Variants in RICTOR observed in about 807,000 individuals in gnomAD.
RICTOR encodes the protein rapamycin-insensitive companion of mTOR.
In RICTOR, 49 loss-of-function variants were observed where a neutral mutation model predicts 214.9. The observed-to-expected ratio is 0.23, with a 90% CI of 0.18 to 0.29. The LOEUF (loss-of-function observed/expected upper bound fraction) is 0.29, where lower values mean the gene tolerates loss of function less well. Among genes scored for constraint, RICTOR ranks in the 10% least tolerant of loss-of-function variants. The probability of loss-of-function intolerance (pLI) is 1.00; values close to 1 mark genes in which losing one functional copy is unlikely to be tolerated. For missense variants in RICTOR, 1,625 were observed against 2,047.0 expected, an observed-to-expected ratio of 0.79 and a Z score of 3.98; for synonymous variants, 717 against 711.3, an observed-to-expected ratio of 1.01 and a Z score of -0.13.
chr5:38,972,109 G>A, intron 10 of RICTOR, 150 bp from the exon 11 acceptor site: 1 of 520,760 alleles, frequency 1.9e-6, no homozygotes, highest in Middle Eastern at 5.2e-4. Context: ...TTATATAACT[G>A]AAATATATTT....
intron 2 of RICTOR, among the ~76,000 whole-genome samples, chr5:39,036,985 A>T (rs1428640726): frequency 1.3e-5 from 2 of 151,998 alleles, no homozygotes; most frequent in Non-Finnish European, 2.9e-5. Context: ...CATCTACAGA[A>T]CTCTCCACCC....
chr5:38,996,261 A>T (rs1359782904), intron 6 of RICTOR, among the ~76,000 whole-genome samples: 1 of 152,180 alleles, frequency 6.6e-6, no homozygotes, highest in Non-Finnish European at 1.5e-5. Context: ...GTATCAAGTA[A>T]AAACAACAAA....
intron 2 of RICTOR, among the ~76,000 whole-genome samples, chr5:39,067,498 C>G (rs1758989058): frequency 6.6e-6 from 1 of 152,172 alleles, no homozygotes; most frequent in Non-Finnish European, 1.5e-5. Flanking sequence ...TCACAATTTT[C>G]TCTCTTCTCT....
rs5867438 is a variant in RICTOR at position 38,943,158 on chromosome 5, G to GTT, written c.4914-189_4914-188dup. On this transcript the variant is annotated intron_variant, in intron 36 of 37. Transcript: ENST00000357387. ...ACACACTTAGACATTCTGAGTTTGG[G>GTT]TTTTTTTTTAAAAAAAATGATTATC... 3,048 of 379,312 alleles carry GTT rather than the reference G, an allele frequency of 8.0e-3. 2 individuals are homozygous for GTT. Among genetic ancestry groups the GTT allele is most frequent in the East Asian group, 0.017 (430 of 25,084 alleles). The allele number at this position is 379,312 out of a possible 1,614,324, so 23.5% of individuals were successfully genotyped here.
At chr5:39,025,996 A>G (rs993095225) in intron 2 of RICTOR, among the ~76,000 whole-genome samples, 2 of 152,200 alleles carry the variant, frequency 1.3e-5, no homozygotes, top group Non-Finnish European at 2.9e-5. Flanking sequence ...GTGACTAGAT[A>G]TAGAAATAGC....
intron 2 of RICTOR, among the ~76,000 whole-genome samples, chr5:39,038,021 G>A (rs186170271): frequency 5.3e-3 from 801 of 152,188 alleles, no homozygotes; most frequent in Non-Finnish European, 7.9e-3. Flanking sequence ...AACCAAAAAG[G>A]AGAATTTTAG....
intron 11 of RICTOR, 104 bp from the exon 12 acceptor site, chr5:38,968,134 A>T: frequency 1.5e-6 from 1 of 665,952 alleles, no homozygotes; most frequent in Non-Finnish European, 2.8e-6. Flanking sequence ...AGAACTATTA[A>T]TACAATGACA....
intron 3 of RICTOR, among the ~76,000 whole-genome samples, chr5:39,015,095 G>C (rs1037134293): frequency 4.6e-5 from 7 of 152,078 alleles, no homozygotes; most frequent in African/African-American, 9.7e-5. Context: ...TTTAGTAACA[G>C]AGCAACCCAC....
chr5:38,994,770 C>G (rs2592308), intron 6 of RICTOR, among the ~76,000 whole-genome samples: 2 of 152,202 alleles, frequency 1.3e-5, no homozygotes, highest in East Asian at 3.8e-4. Flanking sequence ...TGCAAAAATA[C>G]AAAATTGAAG....
intron 31 of RICTOR, 47 bp from the exon 32 acceptor site, chr5:38,947,488 A>G: frequency 7.5e-7 from 1 of 1,339,398 alleles, no homozygotes. Context: ...TTGATCTGTA[A>G]TTTTAATCAT....
chr5:39,074,007 C>A, intron 2 of RICTOR, 104 bp downstream of exon 2: 1 of 779,572 alleles, frequency 1.3e-6, no homozygotes. Flanking sequence ...CCCCCGCACC[C>A]CGCCGGTCCC....
In RICTOR at chr5:39,033,260, C is replaced by CT. The variant is rs1554075189; in HGVS notation, c.98-12125dup. On this transcript the variant is annotated intron_variant, in intron 2 of 37. Coordinates refer to ENST00000357387, the MANE Select transcript of RICTOR (RefSeq NM_152756.5). ...TGGCTTCTTGTACCAGTGTCCTACT[C>CT]TTTTTTTTTTTTGGGAACAGACTCT... Among the ~76,000 whole-genome samples, 1,227 of 144,424 alleles carry CT rather than the reference C, an allele frequency of 8.5e-3. 14 individuals carry two copies. The highest frequency in any genetic ancestry group is 0.024 in the African/African-American group (962 of 39,690). The allele number at this position is 144,424 out of a possible 152,430, so 94.7% of individuals were successfully genotyped here. A position where few individuals can be genotyped will look rare whatever the true frequency, so the allele number is the denominator to read the frequency against.
chr5:38,978,696 C>T (rs367994779), intron 8 of RICTOR, 46 bp from the exon 9 acceptor site: 13 of 909,840 alleles, frequency 1.4e-5, no homozygotes, highest in South Asian at 3.0e-5. Context: ...TTTTAAAATG[C>T]ATCCTTCCTG....
intron 9 of RICTOR, among the ~76,000 whole-genome samples, chr5:38,977,646 A>G (rs1751353914): frequency 1.5e-5 from 2 of 129,650 alleles, no homozygotes; most frequent in East Asian, 4.6e-4. Flanking sequence ...CACCCAGGAT[A>G]GTGCAGTGGT....
chr5:39,013,505 T>A (rs1754706298), intron 3 of RICTOR, among the ~76,000 whole-genome samples: 1 of 151,804 alleles, frequency 6.6e-6, no homozygotes, highest in African/African-American at 2.4e-5. Flanking sequence ...TTTGTCTGTT[T>A]ATTAAAATGA....
At chr5:38,988,887 T>C (rs1185701222) in intron 7 of RICTOR, among the ~76,000 whole-genome samples, 1 of 152,128 alleles carries the variant, frequency 6.6e-6, no homozygotes, top group African/African-American at 2.4e-5. Context: ...TGGAAGAACA[T>C]TCCATGCTCA....
At chr5:38,988,536 C>T (rs1345403470) in intron 7 of RICTOR, among the ~76,000 whole-genome samples, 2 of 152,190 alleles carry the variant, frequency 1.3e-5, no homozygotes, top group Non-Finnish European at 2.9e-5. Flanking sequence ...TTGCTTTCCA[C>T]TTGCTTGGTA....
At chr5:38,961,017 A>G (rs1749750330) in intron 19 of RICTOR, among the ~76,000 whole-genome samples, 1 of 152,042 alleles carries the variant, frequency 6.6e-6, no homozygotes, top group South Asian at 2.1e-4. Context: ...TAATTTCTAT[A>G]TTATCTGTAG....
chr5:39,034,029 A>G (rs1217389886), intron 2 of RICTOR, among the ~76,000 whole-genome samples: 1 of 152,202 alleles, frequency 6.6e-6, no homozygotes. Context: ...GCTCACTTTG[A>G]ATGATTTCAA....
Sources: allele counts gnomAD v4.1 joint callset (sites outside exome capture counted in the v4.1 genomes callset), GRCh38; gene constraint gnomAD v4.1.1; transcripts MANE v1.5; gene names NCBI Gene and HGNC (gene_info 2026-07-23, HGNC 2026-07-21).